Variants in NLGN1 observed in about 807,000 individuals in gnomAD.
NLGN1 encodes neuroligin-1.
NLGN1 carries 12 observed loss-of-function variants against 65.5 expected under a neutral mutation model. The ratio of observed to expected loss-of-function variants is 0.18; its 90% CI spans 0.12 to 0.30. The LOEUF is 0.30. NLGN1 is among the 10% of genes least tolerant of loss of function. NLGN1 has a pLI of 1.00. For synonymous variants in NLGN1, 350 were observed against 359.5 expected, an observed-to-expected ratio of 0.97 and a Z score of 0.30; for missense variants, 750 against 1,007.1, an observed-to-expected ratio of 0.74 and a Z score of 3.46.
At chr3:173,856,770 G>C (rs191247351) in intron 4 of NLGN1, among the ~76,000 whole-genome samples, 1 of 152,048 alleles carries the variant, frequency 6.6e-6, no homozygotes, top group African/African-American at 2.4e-5. Flanking sequence ...TAAAATACTA[G>C]AGAGAAAAGT....
intron 4 of NLGN1, among the ~76,000 whole-genome samples, chr3:173,895,548 T>A (rs1003152876): frequency 1.3e-5 from 2 of 152,166 alleles, no homozygotes; most frequent in Non-Finnish European, 2.9e-5. Flanking sequence ...TGTCAGAGAC[T>A]TTTATTCTAT....
chr3:174,091,004 C>T (rs1744412724), intron 4 of NLGN1, among the ~76,000 whole-genome samples: 1 of 152,172 alleles, frequency 6.6e-6, no homozygotes, highest in Admixed American at 6.5e-5. Flanking sequence ...TGATGCATTG[C>T]TAGACCATCA....
chr3:173,705,163 T>TA (rs1767866515), intron 3 of NLGN1, among the ~76,000 whole-genome samples: 1 of 151,840 alleles, frequency 6.6e-6, no homozygotes, highest in Admixed American at 6.6e-5. Flanking sequence ...CATTTTTTTT[T>TA]TAACTGAAAT....
rs535427948 is a variant in NLGN1 at position 173,499,236 on chromosome 3, G to A, written c.-321+64158G>A. Among the ~76,000 whole-genome samples the A allele has an allele frequency of 5.3e-4, 80 of 151,912 alleles. No homozygotes were observed. The Middle Eastern group carries it at 0.01, about 19-fold the overall frequency. ...CATCTTGAATTTATTTTTGTATAAG[G>A]TATAAGGAAGGGATCCAGTTTCAGC... On this transcript the variant is annotated intron_variant, in intron 2 of 6. Transcript: ENST00000457714.
chr3:173,741,626 G>T (rs1774662767), intron 3 of NLGN1, among the ~76,000 whole-genome samples: 1 of 152,040 alleles, frequency 6.6e-6, no homozygotes, highest in Non-Finnish European at 1.5e-5. Context: ...CCAAGTAGCT[G>T]GGATTACAGG....
intron 3 of NLGN1, among the ~76,000 whole-genome samples, chr3:173,617,792 A>G (rs1577562580): frequency 6.6e-6 from 1 of 152,208 alleles, no homozygotes; most frequent in Admixed American, 6.5e-5. Flanking sequence ...CATTTGTGTA[A>G]TAGGAGCACT....
chr3:173,639,147 G>A (rs1472372249), intron 3 of NLGN1, among the ~76,000 whole-genome samples: 1 of 152,180 alleles, frequency 6.6e-6, no homozygotes, highest in African/African-American at 2.4e-5. Context: ...CACCCTAAAT[G>A]TGAATGGAAC....
chr3:174,289,295 G>A (rs1431996574), downstream of NLGN1, among the ~76,000 whole-genome samples: 3 of 151,254 alleles, frequency 2.0e-5, no homozygotes, highest in South Asian at 2.1e-4. Flanking sequence ...TCACTAATTC[G>A]TTGTTTAAAA....
chr3:174,077,133 A>G (rs1741182265), intron 4 of NLGN1, among the ~76,000 whole-genome samples: 1 of 152,138 alleles, frequency 6.6e-6, no homozygotes, highest in Non-Finnish European at 1.5e-5. Flanking sequence ...CTAAATCAAT[A>G]CACTGATGGA....
At chr3:174,206,239 T>C (rs1735371888) in intron 4 of NLGN1, among the ~76,000 whole-genome samples, 1 of 152,130 alleles carries the variant, frequency 6.6e-6, no homozygotes, top group African/African-American at 2.4e-5. Flanking sequence ...CCAAAATCCC[T>C]GAGGAGGCAT....
intron 4 of NLGN1, among the ~76,000 whole-genome samples, chr3:174,116,545 C>A (rs2152632616): frequency 6.6e-6 from 1 of 151,868 alleles, no homozygotes; most frequent in South Asian, 2.1e-4. Context: ...ACTATGTTGT[C>A]CCGGCTAGTC....
intron 5 of NLGN1, among the ~76,000 whole-genome samples, chr3:174,277,120 G>A (rs955545206): frequency 2.0e-5 from 3 of 151,844 alleles, no homozygotes; most frequent in African/African-American, 7.3e-5. Flanking sequence ...AGGGAAATCT[G>A]TCTATCCCTG....
chr3:173,733,632 A>C (rs1040797908), intron 3 of NLGN1, among the ~76,000 whole-genome samples: 11 of 152,082 alleles, frequency 7.2e-5, no homozygotes, highest in Non-Finnish European at 4.4e-5. Flanking sequence ...TTCACCTTGA[A>C]ATCTTGGTGC....
At chr3:173,705,718 G>A (rs527808917) in intron 3 of NLGN1, among the ~76,000 whole-genome samples, 19 of 152,014 alleles carry the variant, frequency 1.2e-4, no homozygotes, top group South Asian at 8.3e-4. Flanking sequence ...TTATTCGGTC[G>A]TCATGGAGAA....
Position 173,762,100 on chromosome 3 carries a change from T to C in NLGN1, c.494-45580T>C, listed in dbSNP as rs1464747072. Among the ~76,000 whole-genome samples the C allele has an allele frequency of 2.0e-5, 3 of 152,224 alleles. No homozygotes were observed. The East Asian group carries it at 5.8e-4, about 29-fold the overall frequency. The stretch of plus-strand genomic sequence containing the variant: ...TCAAACTGATTATTTCATTTAGTTC[T>C]TCCAGGACAGGAATAAGCCAAAGGT... On this transcript the variant is annotated intron_variant, in intron 3 of 6. Transcript: ENST00000457714.
chr3:173,693,194 T>C (rs1319597648), intron 3 of NLGN1, among the ~76,000 whole-genome samples: 2 of 152,122 alleles, frequency 1.3e-5, no homozygotes, highest in East Asian at 3.8e-4. Flanking sequence ...GGGGATCTTC[T>C]GGTATTGAAG....
At chr3:173,800,227 C>T (rs867033217) in intron 3 of NLGN1, 2 of 465,570 alleles carry the variant, frequency 4.3e-6, no homozygotes, top group Non-Finnish European at 3.2e-6. Context: ...ATTTTTTCCC[C>T]TCAGTCTTGT....
At chr3:173,511,318 C>T (rs1732934549) in intron 2 of NLGN1, among the ~76,000 whole-genome samples, 1 of 152,180 alleles carries the variant, frequency 6.6e-6, no homozygotes, top group Non-Finnish European at 1.5e-5. Context: ...CCAGTCCCCA[C>T]ACACTCACCA....
intron 4 of NLGN1, among the ~76,000 whole-genome samples, chr3:174,154,198 A>T (rs1724913860): frequency 6.6e-6 from 1 of 152,128 alleles, no homozygotes; most frequent in South Asian, 2.1e-4. Context: ...AGCAGAAGGC[A>T]TCCTGGACAG....
Sources: allele counts gnomAD v4.1 joint callset (sites outside exome capture counted in the v4.1 genomes callset), GRCh38; gene constraint gnomAD v4.1.1; transcripts MANE v1.5; gene names NCBI Gene and HGNC (gene_info 2026-07-23, HGNC 2026-07-21).